Variants in CUX1 observed in about 807,000 individuals in gnomAD.
CUX1 encodes protein CASP.
A neutral mutation model predicts 158.8 loss-of-function variants in CUX1; 31 were observed. The ratio of observed to expected loss-of-function variants is 0.20; its 90% CI spans 0.15 to 0.26. The LOEUF (loss-of-function observed/expected upper bound fraction) is 0.26. CUX1 is among the 10% of genes least tolerant of loss of function. The pLI, the probability that CUX1 is intolerant of heterozygous loss-of-function variation, is 1.00. For missense variants in CUX1, 1,589 were observed against 2,014.6 expected (o/e 0.79, Z 4.04); for synonymous variants, 879 against 862.1 (o/e 1.02, Z -0.34).
At chr7:102,273,298 GA>G in intron 14 of CUX1, 1 of 1,572,114 alleles carries the variant, frequency 6.4e-7, no homozygotes, top group Non-Finnish European at 8.6e-7. Flanking sequence ...TGGAGAGGCA[GA>G]ACCAGGGGAG....
At chr7:102,101,273 A>G (rs1336744251) in intron 5 of CUX1, among the ~76,000 whole-genome samples, 1 of 152,200 alleles carries the variant, frequency 6.6e-6, no homozygotes, top group East Asian at 1.9e-4. Flanking sequence ...CCATCCCGCA[A>G]TGATGAGTAA....
At chr7:101,995,709 C>CT (rs1471013037) in intron 2 of CUX1, among the ~76,000 whole-genome samples, 1 of 152,172 alleles carries the variant, frequency 6.6e-6, no homozygotes, top group Non-Finnish European at 1.5e-5. Context: ...GCCCATGTCC[C>CT]ATAGGGGCGT....
At chr7:101,853,604 TG>T (rs1796505148) in intron 1 of CUX1, among the ~76,000 whole-genome samples, 1 of 151,946 alleles carries the variant, frequency 6.6e-6, no homozygotes, top group Non-Finnish European at 1.5e-5. Flanking sequence ...TGTGTGTGTG[TG>T]TGTGTGTGTG....
intron 14 of CUX1, 126 bp downstream of exon 14, chr7:102,195,729 C>A: frequency 1.2e-6 from 1 of 810,048 alleles, no homozygotes; most frequent in Non-Finnish European, 1.9e-6. Context: ...TGACGAGAAC[C>A]TTTGACTAAC....
chr7:101,984,127 T>TATATATATATAC (rs1813933216), intron 2 of CUX1, among the ~76,000 whole-genome samples: 2 of 28,542 alleles, frequency 7.0e-5, no homozygotes, highest in African/African-American at 1.2e-4. Flanking sequence ...TATATATATA[T>TATATATATATAC]ATACACACAC....
rs55710671 is a variant in CUX1, at chr7:102,035,072, T to TA, written c.189+6947dup. 7.8e-3 allele frequency among the ~76,000 whole-genome samples: 1,089 copies of TA among 139,502 alleles called. 11 individuals are homozygous for TA. The highest frequency in any genetic ancestry group is 0.024 in the African/African-American group (887 of 37,662). 91.5% of individuals were successfully genotyped at this position (139,502 alleles called of 152,430 possible). A position where few individuals can be genotyped will look rare whatever the true frequency, so the allele number is the denominator to read the frequency against. ...CATTAATCATCAGACCCAGTGGTGGTAAAAAAAAAAAAAAAAAAAATTCCC... is the reference window on the plus strand; with the variant it reads ...CATTAATCATCAGACCCAGTGGTGGTAAAAAAAAAAAAAAAAAAAAATTCCC... On this transcript the variant is annotated intron_variant, in intron 3 of 23. Coordinates refer to ENST00000292535, the MANE Select transcript of CUX1 (RefSeq NM_181552.4).
At chr7:102,282,059 C>G in intron 21 of CUX1, 1 of 680,336 alleles carries the variant, frequency 1.5e-6, no homozygotes, top group South Asian at 1.6e-5. Context: ...ATGCCTCTCC[C>G]CTTCGAGAGC....
chr7:102,093,298 A>G (rs892062663), intron 4 of CUX1, among the ~76,000 whole-genome samples: 1 of 150,568 alleles, frequency 6.6e-6, no homozygotes, highest in African/African-American at 2.4e-5. Context: ...CAATCCTCCT[A>G]CCTTAGCCTC....
chr7:101,826,222 G>A (rs777751822), intron 1 of CUX1, among the ~76,000 whole-genome samples: 1 of 151,702 alleles, frequency 6.6e-6, no homozygotes, highest in Non-Finnish European at 1.5e-5. Context: ...ATTTTTTGAG[G>A]CAGGGTCTTG....
At chr7:101,924,731 A>G (rs1304227439) in intron 2 of CUX1, among the ~76,000 whole-genome samples, 2 of 148,072 alleles carry the variant, frequency 1.4e-5, no homozygotes, top group African/African-American at 2.5e-5. Context: ...ACACCTGGTT[A>G]TTTTTTTTTA....
intron 8 of CUX1, among the ~76,000 whole-genome samples, chr7:102,152,347 C>T (rs1483449420): frequency 6.6e-6 from 1 of 152,118 alleles, no homozygotes; most frequent in East Asian, 1.9e-4. Flanking sequence ...CAGAACCAGA[C>T]CCTGTATCAA....
chr7:102,119,149 C>T (rs1452243153), intron 8 of CUX1, among the ~76,000 whole-genome samples: 3 of 152,208 alleles, frequency 2.0e-5, no homozygotes, highest in African/African-American at 7.2e-5. Context: ...AAGCTATTCC[C>T]AGCAAGCTCA....
intron 1 of CUX1, among the ~76,000 whole-genome samples, chr7:101,838,817 C>G (rs891327488): frequency 3.3e-5 from 5 of 151,524 alleles, no homozygotes; most frequent in African/African-American, 7.3e-5. Context: ...AAAAAAAAAT[C>G]CACCTTCAGA....
At position 102,131,137 on chromosome 7, in the gene CUX1, T is replaced by A. The variant is rs1833184320; in HGVS notation, c.674+15864T>A. Among the ~76,000 whole-genome samples, 3 of 151,890 alleles carry A rather than the reference T, an allele frequency of 2.0e-5. 1 individual carries two copies. The highest frequency in any genetic ancestry group is 7.2e-5 in the African/African-American group (3 of 41,418). ...AAAAAAAAAAAAAAACTCTCCAGTT[T>A]GTAGGATTTAATGAATATATAGATG... On this transcript the variant is annotated intron_variant, in intron 8 of 23. Transcript: ENST00000292535.
At chr7:101,890,565 G>A (rs761319947) in intron 1 of CUX1, among the ~76,000 whole-genome samples, 6 of 152,052 alleles carry the variant, frequency 3.9e-5, no homozygotes, top group Non-Finnish European at 7.4e-5. Flanking sequence ...TGATACACGC[G>A]CCTTACATTT....
In CUX1 at chr7:102,248,481, C is replaced by T. The variant is rs1554537791; in HGVS notation, c.3957C>T (p.Ser1319=). ...QAGSQGQAGA[S]DSPSARSGRA... Reference sequence around the variant, plus strand: ...GGAGTCAGGGCCAGGCGGGCGCCAGCGACTCACCCTCGGCCCGCAGCGGCC... The same window carrying T: ...GGAGTCAGGGCCAGGCGGGCGCCAGTGACTCACCCTCGGCCCGCAGCGGCC... Residue 1319 remains serine, a synonymous_variant, in exon 24 of 24, where the codon AGC becomes AGT. Transcript: ENST00000292535. The surrounding 1 kb of genome is among the most constrained non-coding windows in gnomAD (Gnocchi z 5.8). The T allele has an allele frequency of 1.3e-6, 2 of 1,590,908 alleles. No individual in the cohort carries two copies. The highest frequency in any genetic ancestry group is 2.3e-5 in the East Asian group (1 of 43,868).
chr7:101,887,574 G>T (rs1226894054), intron 1 of CUX1, among the ~76,000 whole-genome samples: 1 of 152,084 alleles, frequency 6.6e-6, no homozygotes, highest in African/African-American at 2.4e-5. Flanking sequence ...CTCCCAAAGT[G>T]CTGGGATTAC....
At chr7:101,903,375 G>A (rs529437609) in intron 1 of CUX1, among the ~76,000 whole-genome samples, 2 of 152,318 alleles carry the variant, frequency 1.3e-5, no homozygotes, top group Non-Finnish European at 1.5e-5. Context: ...GCTGGGTCGG[G>A]GGAATTAGGG....
In CUX1 at chr7:102,250,305, C is replaced by T. The variant is rs887139632; in HGVS notation, c.*1263C>T. The T allele has an allele frequency of 1.0e-6, 1 of 985,406 alleles. No individual in the cohort carries two copies. The highest frequency in any genetic ancestry group is 5.2e-4 in the Middle Eastern group (1 of 1,914). 61.0% of individuals were successfully genotyped at this position (985,406 alleles called of 1,614,324 possible). On this transcript the variant is annotated 3_prime_UTR_variant, in exon 24 of 24. Coordinates refer to ENST00000292535, the MANE Select transcript of CUX1 (RefSeq NM_181552.4). ...GCGAGCACAGCAGGCAGTTCCAGGG[C>T]CAGACGGGCCCATCCCCAAGTAGAT...
Sources: gnomAD v4.1 joint callset for allele counts (sites outside exome capture counted in the v4.1 genomes callset) on GRCh38, gnomAD v4.1.1 for gene constraint, Gnocchi (gnomAD v3.1) non-coding constraint, MANE v1.5 for transcripts, NCBI Gene and HGNC (gene_info 2026-07-23, HGNC 2026-07-21) for gene names.